Variants in XPR1 observed in about 807,000 individuals in gnomAD.
XPR1 encodes xenotropic and polytropic retrovirus receptor 1, also known as solute carrier family 53 member 1.
Under a neutral mutation model 87.5 loss-of-function variants are expected in XPR1, and 28 were observed. The observed-to-expected ratio is 0.32, with a 90% CI of 0.24 to 0.44. The LOEUF is 0.44. Ranked by LOEUF, XPR1 falls within the 20% of genes least tolerant of loss-of-function variation. The pLI, the probability that XPR1 is intolerant of heterozygous loss-of-function variation, is 1.00. For synonymous variants in XPR1, 300 were observed against 306.1 expected (o/e 0.98, Z 0.21); for missense variants, 559 against 862.3 (o/e 0.65, Z 4.41).
At chr1:180,816,402 C>G (rs1650413177) in intron 7 of XPR1, among the ~76,000 whole-genome samples, 1 of 152,218 alleles carries the variant, frequency 6.6e-6, no homozygotes, top group Non-Finnish European at 1.5e-5. Flanking sequence ...GCTGTGTGGC[C>G]TGGTTCCTGA....
intron 3 of XPR1, among the ~76,000 whole-genome samples, chr1:180,791,820 T>C (rs553210466): frequency 6.6e-6 from 1 of 152,364 alleles, no homozygotes; most frequent in East Asian, 1.9e-4. Context: ...TGACCTCATA[T>C]TGGGTTGCAA....
chr1:180,798,909 C>G (rs892339484), intron 3 of XPR1, among the ~76,000 whole-genome samples: 3 of 152,106 alleles, frequency 2.0e-5, no homozygotes, highest in African/African-American at 7.2e-5. Context: ...CCACCATGCC[C>G]GGCCTGTTGT....
chr1:180,712,501 G>T (rs183805584), intron 2 of XPR1, among the ~76,000 whole-genome samples: 1 of 152,276 alleles, frequency 6.6e-6, no homozygotes, highest in East Asian at 1.9e-4. Flanking sequence ...AGTTTAAGGG[G>T]GCTATTTTAT....
At chr1:180,666,759 A>G (rs1262820624) in intron 1 of XPR1, among the ~76,000 whole-genome samples, 1 of 152,184 alleles carries the variant, frequency 6.6e-6, no homozygotes, top group Non-Finnish European at 1.5e-5. Context: ...CTACATATAA[A>G]ATTAGCATAT....
At chr1:180,650,310 ACTGCAGTCTTGAACTCCTGAG>A (rs1331113877) in intron 1 of XPR1, among the ~76,000 whole-genome samples, 1 of 151,848 alleles carries the variant, frequency 6.6e-6, no homozygotes, top group Admixed American at 6.6e-5. Context: ...ATCATAGCTT[ACTGCAGTCTTGAACTCCTGAG>A]CTGTAGGGAT....
intron 2 of XPR1, among the ~76,000 whole-genome samples, chr1:180,703,246 G>T (rs1657418904): frequency 6.6e-6 from 1 of 152,146 alleles, no homozygotes; most frequent in Non-Finnish European, 1.5e-5. Flanking sequence ...CAGCAGTAGT[G>T]ATCAGGGTGG....
chr1:180,748,964 C>T (rs1647404133), intron 2 of XPR1, among the ~76,000 whole-genome samples: 1 of 152,198 alleles, frequency 6.6e-6, no homozygotes, highest in Non-Finnish European at 1.5e-5. Context: ...TTTGGGAGTC[C>T]AAGGCAGGAG....
At chr1:180,876,363 C>T (rs745914559) in intron 13 of XPR1, among the ~76,000 whole-genome samples, 9 of 152,122 alleles carry the variant, frequency 5.9e-5, no homozygotes, top group African/African-American at 9.7e-5. Flanking sequence ...GGGCCAGGCA[C>T]GGTGGTTCAC....
chr1:180,728,851 G>T (rs1418282736), intron 2 of XPR1, among the ~76,000 whole-genome samples: 1 of 151,924 alleles, frequency 6.6e-6, no homozygotes, highest in Non-Finnish European at 1.5e-5. Flanking sequence ...TAATTTTCAG[G>T]TTTTTTTTGT....
intron 2 of XPR1, among the ~76,000 whole-genome samples, chr1:180,764,055 G>A (rs1648171339): frequency 6.6e-6 from 1 of 152,104 alleles, no homozygotes; most frequent in Admixed American, 6.5e-5. Context: ...AAGTACTTAT[G>A]TGTGAATATG....
Position 180,846,449 on chromosome 1 carries a change from A to AT in XPR1, c.1501+9743dup, listed in dbSNP as rs112275972. On this transcript the variant is annotated intron_variant, in intron 11 of 14. Transcript: ENST00000367590. ...TGTTTTTGTTTTTGTTTATTTATTTATTTTTTTTTTGAGATGGAATCTGGC... is the reference window on the plus strand; with the variant it reads ...TGTTTTTGTTTTTGTTTATTTATTTATTTTTTTTTTTGAGATGGAATCTGGC... 6.7e-3 allele frequency among the ~76,000 whole-genome samples: 978 copies of AT among 145,698 alleles called. 6 individuals are homozygous for AT. Among genetic ancestry groups the AT allele is most frequent in the African/African-American group, 0.013 (492 of 39,256 alleles).
At chr1:180,743,261 G>T (rs1658980521) in intron 2 of XPR1, among the ~76,000 whole-genome samples, 1 of 147,264 alleles carries the variant, frequency 6.8e-6, no homozygotes, top group Non-Finnish European at 1.5e-5. Context: ...GTATTTTAAT[G>T]TATCAGTTGT....
At chr1:180,756,159 A>G (rs1356998959) in intron 2 of XPR1, among the ~76,000 whole-genome samples, 1 of 152,168 alleles carries the variant, frequency 6.6e-6, no homozygotes, top group Non-Finnish European at 1.5e-5. Flanking sequence ...AAGATGCATA[A>G]CTTAAATCCA....
chr1:180,859,543 C>T (rs1025364798), intron 11 of XPR1, among the ~76,000 whole-genome samples: 1 of 152,098 alleles, frequency 6.6e-6, no homozygotes, highest in South Asian at 2.1e-4. Context: ...CCAATGAAGG[C>T]AGATGATTTC....
chr1:180,855,643 A>G (rs1389486795), intron 11 of XPR1, among the ~76,000 whole-genome samples: 3 of 149,358 alleles, frequency 2.0e-5, no homozygotes, highest in Non-Finnish European at 4.5e-5. Context: ...CAGCCTGGCG[A>G]CAGAGTGAGA....
intron 1 of XPR1, among the ~76,000 whole-genome samples, chr1:180,656,050 A>G (rs1219685984): frequency 1.3e-5 from 2 of 151,724 alleles, no homozygotes; most frequent in Non-Finnish European, 1.5e-5. Context: ...ACTAGATCTT[A>G]TTCAGTTTTT....
intron 3 of XPR1, among the ~76,000 whole-genome samples, chr1:180,789,826 A>G (rs1328899951): frequency 6.6e-6 from 1 of 151,984 alleles, no homozygotes; most frequent in African/African-American, 2.4e-5. Context: ...AACTCAACCA[A>G]TTCATCCTTT....
chr1:180,784,646 A>G lies in XPR1; in HGVS notation c.122-3107A>G, dbSNP rs376085406. ...CCATGTGGAATTATTGAAATGTTCTATTTTTTATAGTATTTTATATCATCT... is the reference window on the plus strand; with the variant it reads ...CCATGTGGAATTATTGAAATGTTCTGTTTTTTATAGTATTTTATATCATCT... On this transcript the variant is annotated intron_variant, in intron 2 of 14. Transcript: ENST00000367590. Among the ~76,000 whole-genome samples the G allele has an allele frequency of 8.6e-5, 13 of 151,990 alleles. No homozygotes were observed. In the South Asian group the frequency reaches 1.2e-3, roughly 15 times the overall value.
intron 2 of XPR1, among the ~76,000 whole-genome samples, chr1:180,699,714 C>A (rs1657294640): frequency 8.5e-6 from 1 of 117,238 alleles, no homozygotes; most frequent in Non-Finnish European, 1.7e-5. Context: ...ATTTATAGTC[C>A]TTTGGGTATA....
Sources: gnomAD v4.1 joint callset for allele counts (sites outside exome capture counted in the v4.1 genomes callset) on GRCh38, gnomAD v4.1.1 for gene constraint, MANE v1.5 for transcripts, NCBI Gene and HGNC (gene_info 2026-07-23, HGNC 2026-07-21) for gene names.